CHD5: variants seen among roughly 807,000 people sequenced by gnomAD.
CHD5 encodes the protein ATP-dependent chromatin remodeler CHD5.
CHD5 carries 69 observed loss-of-function variants against 230.3 expected under a neutral mutation model. That is an observed-to-expected ratio of 0.30 (90% CI 0.25 to 0.37). CHD5 has a LOEUF of 0.37. Among genes scored for constraint, CHD5 ranks in the 10% least tolerant of loss-of-function variants. The probability of loss-of-function intolerance (pLI) is 1.00; values close to 1 mark genes in which losing one functional copy is unlikely to be tolerated. For missense variants in CHD5, 1,827 were observed against 2,622.8 expected, an observed-to-expected ratio of 0.70 and a Z score of 6.63; for synonymous variants, 1,064 against 1,065.9, an observed-to-expected ratio of 1.00 and a Z score of 0.03.
In CHD5 at chr1:6,146,756, G is replaced by A. The variant is rs142665362; in HGVS notation, c.1499C>T (p.Pro500Leu). 1.7e-5 allele frequency: 27 copies of A among 1,609,052 alleles called. No individual in the cohort carries two copies. The highest frequency in any genetic ancestry group is 2.2e-5 in the Non-Finnish European group (26 of 1,177,100). ...CTCAGGGATGCCCTCCAGGGGCTTA[G>A]GTGGAGGGAGGCTGGGCTCCACGTC... ...GPDVEPSLPP[P>L]KPLEGIPERE... Residue 500 changes from proline to leucine, a missense_variant, in exon 10 of 42, where the codon CCT becomes CTT. Around this residue, in one of 14 missense-constraint regions of CHD5, gnomAD observed 657 missense variants for 816.4 expected, o/e 0.80. Coordinates refer to ENST00000262450, the MANE Select transcript of CHD5 (RefSeq NM_015557.3). This position sits in a 1 kb window ranked among gnomAD's most constrained non-coding sequence, Gnocchi z 5.1.
At chr1:6,173,654 G>A (rs1477517529) in intron 1 of CHD5, among the ~76,000 whole-genome samples, 2 of 152,182 alleles carry the variant, frequency 1.3e-5, no homozygotes, top group African/African-American at 4.8e-5. Flanking sequence ...GGACCCACAC[G>A]ATGCCTGCAG....
intron 36 of CHD5, 146 bp from the exon 37 acceptor site, chr1:6,110,672 G>A (rs1044073205): frequency 7.3e-5 from 58 of 794,372 alleles, no homozygotes; most frequent in African/African-American, 6.2e-4. Flanking sequence ...CCAGCTGCAC[G>A]AGGAACATAT....
chr1:6,169,682 C>T (rs1034980227), intron 1 of CHD5, among the ~76,000 whole-genome samples: 2 of 152,306 alleles, frequency 1.3e-5, no homozygotes, highest in African/African-American at 2.4e-5. Context: ...CACTTCTGCC[C>T]GTGGGGGCAA....
Position 6,130,377 on chromosome 1 carries a change from G to T in CHD5, c.3263-49C>A. 1.3e-6 allele frequency: 2 copies of T among 1,586,888 alleles called. No individual in the cohort carries two copies. The highest frequency in any genetic ancestry group is 8.6e-7 in the Non-Finnish European group (1 of 1,161,770). The stretch of plus-strand genomic sequence containing the variant: ...GGGAGTGTTTGGGGGGGTACACCTT[G>T]GGTGGGCAGAAAGGATGGGGGAGAG... On this transcript the variant is annotated intron_variant, in intron 21 of 41. Coordinates refer to ENST00000262450, the MANE Select transcript of CHD5 (RefSeq NM_015557.3). This position sits in a 1 kb window ranked among gnomAD's most constrained non-coding sequence, Gnocchi z 4.9.
intron 15 of CHD5, among the ~76,000 whole-genome samples, chr1:6,137,865 C>T (rs1243525562): frequency 6.6e-6 from 1 of 152,194 alleles, no homozygotes; most frequent in Non-Finnish European, 1.5e-5. Flanking sequence ...GGGCGTGGAG[C>T]CTCCCTGGGA....
chr1:6,132,639 T>C (rs1449927377), intron 20 of CHD5, among the ~76,000 whole-genome samples: 1 of 152,218 alleles, frequency 6.6e-6, no homozygotes, highest in Non-Finnish European at 1.5e-5. Flanking sequence ...CATTGCATTC[T>C]GGGAAAATGC....
intron 1 of CHD5, among the ~76,000 whole-genome samples, chr1:6,168,743 GCA>G (rs901821291): frequency 1.3e-5 from 2 of 152,178 alleles, no homozygotes; most frequent in Non-Finnish European, 2.9e-5. Context: ...GACCTGCCAG[GCA>G]CAGTGGCTCA....
chr1:6,155,767 G>C lies in CHD5; in HGVS notation c.388-50C>G. 9 of 1,416,760 alleles carry C rather than the reference G, an allele frequency of 6.4e-6. No homozygotes were observed. The highest frequency in any genetic ancestry group is 9.0e-6 in the Non-Finnish European group (9 of 1,002,912). The allele number at this position is 1,416,760 out of a possible 1,614,324, so 87.8% of individuals were successfully genotyped here. On this transcript the variant is annotated intron_variant, in intron 3 of 41. Coordinates refer to ENST00000262450, the MANE Select transcript of CHD5 (RefSeq NM_015557.3). This position sits in a 1 kb window ranked among gnomAD's most constrained non-coding sequence, Gnocchi z 4.0. ...GAGTTGTTGAGGGGCCTTCTGACCTGCACCCCCATCCCCAGGGTCTCTGCC... is the reference window on the plus strand; with the variant it reads ...GAGTTGTTGAGGGGCCTTCTGACCTCCACCCCCATCCCCAGGGTCTCTGCC...
intron 38 of CHD5, among the ~76,000 whole-genome samples, chr1:6,107,992 G>C (rs774416371): frequency 2.7e-4 from 38 of 142,318 alleles, no homozygotes; most frequent in South Asian, 4.8e-4. Context: ...ATGGAGAGAT[G>C]GGGGATGGAG....
At chr1:6,147,342 C>T (rs954537258) in intron 9 of CHD5, among the ~76,000 whole-genome samples, 6 of 152,176 alleles carry the variant, frequency 3.9e-5, no homozygotes, top group South Asian at 2.1e-4. Context: ...CCCAGGGACA[C>T]GGCAGCCCCA....
At position 6,153,355 on chromosome 1, in the gene CHD5, G is replaced by C. The variant is rs191223527; in HGVS notation, c.746-819C>G. Reference sequence around the variant, plus strand: ...CAGGGGCGGGCCAGGAGCCCCTCCCGAGATCCTGATGGCCCAGACAGATGG... The same window carrying C: ...CAGGGGCGGGCCAGGAGCCCCTCCCCAGATCCTGATGGCCCAGACAGATGG... On this transcript the variant is annotated intron_variant, in intron 5 of 41. Transcript: ENST00000262450. Among the ~76,000 whole-genome samples, 36 of 152,348 alleles carry C rather than the reference G, an allele frequency of 2.4e-4. No individual in the cohort carries two copies. In the South Asian group the frequency reaches 7.0e-3, roughly 30 times the overall value.
In CHD5 at chr1:6,144,146, C is replaced by T. The variant is rs1179978343; in HGVS notation, c.1812G>A (p.Lys604=). The stretch of plus-strand genomic sequence containing the variant: ...TGATCAGGTAGTGCACATCCCCCTT[C>T]TTGTCAAAGCTGCAACACGGTGAAC... ...IHRILNHSFD[K]KGDVHYLIKW... is the part of the protein sequence containing the mutation. The change falls in exon 12 of 42, where the codon AAG becomes AAA. Residue 604 remains lysine (K), a synonymous_variant. Coordinates refer to ENST00000262450, the MANE Select transcript of CHD5 (RefSeq NM_015557.3). 6.2e-7 allele frequency: 1 copy of T among 1,614,070 alleles called. No homozygotes were observed. Among genetic ancestry groups the T allele is most frequent in the African/African-American group, 1.3e-5 (1 of 74,926 alleles).
At chr1:6,170,882 C>T (rs1022549535) in intron 1 of CHD5, among the ~76,000 whole-genome samples, 7 of 152,306 alleles carry the variant, frequency 4.6e-5, no homozygotes, top group Admixed American at 3.9e-4. Flanking sequence ...GGTGGGGCAG[C>T]CGATGGGATG....
At chr1:6,136,286 G>A (rs1015773274) in intron 17 of CHD5, among the ~76,000 whole-genome samples, 31 of 152,218 alleles carry the variant, frequency 2.0e-4, no homozygotes, top group African/African-American at 5.1e-4. Flanking sequence ...AGGAAAAGTC[G>A]TGGTATTAGC....
In CHD5 at chr1:6,180,098, G is replaced by T; in HGVS notation, c.-75C>A. The T allele has an allele frequency of 1.4e-6, 1 of 712,522 alleles. No homozygotes were observed. The highest frequency in any genetic ancestry group is 1.8e-6 in the Non-Finnish European group (1 of 553,452). The allele number at this position is 712,522 out of a possible 1,614,324, so 44.1% of individuals were successfully genotyped here. The stretch of plus-strand genomic sequence containing the variant: ...CGGTGCCAGCCTTAACCCGTGCGCT[G>T]CCGGACCGGCGCGCGCGGCGGGCGA... On this transcript the variant is annotated 5_prime_UTR_variant, in exon 1 of 42. Coordinates refer to ENST00000262450, the MANE Select transcript of CHD5 (RefSeq NM_015557.3).
rs562582222 is a variant in CHD5 at position 6,111,680 on chromosome 1, C to A, written c.5249+95G>T. On this transcript the variant is annotated intron_variant, in intron 36 of 41. Coordinates refer to ENST00000262450, the MANE Select transcript of CHD5 (RefSeq NM_015557.3). Reference sequence around the variant, plus strand: ...AGAAGTGAGGAAGATTGAGGAAGAACGAGGAAGGCTTCCCCCGGAGCTCTC... The same window carrying A: ...AGAAGTGAGGAAGATTGAGGAAGAAAGAGGAAGGCTTCCCCCGGAGCTCTC... 9 of 940,436 alleles carry A rather than the reference C, an allele frequency of 9.6e-6. No individual in the cohort carries two copies. The Admixed American group carries it at 1.7e-4, about 18-fold the overall frequency. The allele number at this position is 940,436 out of a possible 1,614,324, so 58.3% of individuals were successfully genotyped here.
rs767556986 is a variant in CHD5, at chr1:6,109,841, C to T, written c.5532G>A (p.Lys1844=). 2 of 1,612,898 alleles carry T rather than the reference C, an allele frequency of 1.2e-6. No homozygotes were observed. Among genetic ancestry groups the T allele is most frequent in the South Asian group, 1.1e-5 (1 of 91,076 alleles). Residue 1844 remains lysine (K), a synonymous_variant, in exon 38 of 42, where the codon AAG becomes AAA. Coordinates refer to ENST00000262450, the MANE Select transcript of CHD5 (RefSeq NM_015557.3). ...CAGGCTTGTTCCCAGCAAGGGACTC[C>T]TTGGACAGGTGCTGGTGGCTCTCGG... ...CLAESHQHLS[K]ESLAGNKPAN...
rs1197578168 is a variant in CHD5, at chr1:6,131,181, C to T, written c.3262+450G>A. ...ACCCTCCTGACCTCCACCCTCGCCT[C>T]TCCTTCCCAGGCAGGGAAGACCAAG... On this transcript the variant is annotated intron_variant, in intron 21 of 41. Transcript: ENST00000262450. The surrounding 1 kb of genome is among the most constrained non-coding windows in gnomAD (Gnocchi z 5.0). 6.6e-6 allele frequency among the ~76,000 whole-genome samples: 1 copy of T among 152,254 alleles called. No homozygotes were observed. The highest frequency in any genetic ancestry group is 1.9e-4 in the East Asian group (1 of 5,198).
chr1:6,125,012 A>T lies in CHD5; in HGVS notation c.4394+88T>A. 1 of 1,341,334 alleles carries T rather than the reference A, an allele frequency of 7.5e-7. No individual in the cohort carries two copies. The highest frequency in any genetic ancestry group is 2.6e-5 in the East Asian group (1 of 38,940). The allele number at this position is 1,341,334 out of a possible 1,614,324, so 83.1% of individuals were successfully genotyped here. A position where few individuals can be genotyped will look rare whatever the true frequency, so the allele number is the denominator to read the frequency against. On this transcript the variant is annotated intron_variant, in intron 29 of 41. Transcript: ENST00000262450. The surrounding 1 kb of genome is among the most constrained non-coding windows in gnomAD (Gnocchi z 6.7). ...GACGGCCTCATCCTGGCGGAAGCAA[A>T]TGCTGCCCTCTGTGGGGCTCACCCG... is the stretch of plus-strand genomic sequence containing the variant.
Sources: gnomAD v4.1 joint callset for allele counts (sites outside exome capture counted in the v4.1 genomes callset) on GRCh38, gnomAD v4.1.1 for gene constraint, gnomAD v4.1.1 regional missense constraint, Gnocchi (gnomAD v3.1) non-coding constraint, MANE v1.5 for transcripts, NCBI Gene and HGNC (gene_info 2026-07-23, HGNC 2026-07-21) for gene names.